CHMP4C: variants seen among roughly 807,000 people sequenced by gnomAD.
CHMP4C encodes the protein charged multivesicular body protein 4C.
CHMP4C carries 28 observed loss-of-function variants against 29.0 expected under a neutral mutation model. That is an observed-to-expected ratio of 0.97 (90% CI 0.72 to 1.32). The LOEUF (loss-of-function observed/expected upper bound fraction) is 1.32, where lower values mean the gene tolerates loss of function less well. Among genes scored for constraint, CHMP4C ranks in the 40% most tolerant of loss-of-function variants. CHMP4C has a pLI of 0.00. For missense variants in CHMP4C, 291 were observed against 281.0 expected, an observed-to-expected ratio of 1.04 and a Z score of -0.25; for synonymous variants, 106 against 102.4, an observed-to-expected ratio of 1.04 and a Z score of -0.21.
In CHMP4C at chr8:81,732,511, C is replaced by G; in HGVS notation, c.-116C>G. ...GACGACTTGTTGATTCCCAGGAGGG[C>G]CGCCTTTCCGGTCTGGGTCCCCGAG... is the stretch of plus-strand genomic sequence containing the variant. On this transcript the variant is annotated 5_prime_UTR_variant, in exon 1 of 5. Coordinates refer to ENST00000297265, the MANE Select transcript of CHMP4C (RefSeq NM_152284.4). 1 of 699,360 alleles carries G rather than the reference C, an allele frequency of 1.4e-6. No homozygotes were observed. The highest frequency in any genetic ancestry group is 2.8e-5 in the East Asian group (1 of 36,084). The allele number at this position is 699,360 out of a possible 1,614,324, so 43.3% of individuals were successfully genotyped here. A position where few individuals can be genotyped will look rare whatever the true frequency, so the allele number is the denominator to read the frequency against.
chr8:81,734,063 C>G (rs373362908), intron 1 of CHMP4C, among the ~76,000 whole-genome samples: 1 of 152,090 alleles, frequency 6.6e-6, no homozygotes, highest in Non-Finnish European at 1.5e-5. Flanking sequence ...CATATTATAG[C>G]CTGTTTTAGA....
Position 81,750,456 on chromosome 8 carries a change from A to C in CHMP4C, c.191-2608A>C, listed in dbSNP as rs531763747. On this transcript the variant is annotated intron_variant, in intron 1 of 4. Coordinates refer to ENST00000297265, the MANE Select transcript of CHMP4C (RefSeq NM_152284.4). The stretch of plus-strand genomic sequence containing the variant: ...TCTCTACAAAAAAATTAAAAAAAAA[A>C]AAGACTCCGTACAGTGACATGTGCC... Among the ~76,000 whole-genome samples, 14 of 151,686 alleles carry C rather than the reference A, an allele frequency of 9.2e-5. No homozygotes were observed. The East Asian group carries it at 2.7e-3, about 30-fold the overall frequency.
At chr8:81,747,371 G>A (rs1808839210) in intron 1 of CHMP4C, among the ~76,000 whole-genome samples, 1 of 151,956 alleles carries the variant, frequency 6.6e-6, no homozygotes, top group Non-Finnish European at 1.5e-5. Context: ...AAAGCCTTAG[G>A]GTCAATGGGT....
At chr8:81,738,012 T>G (rs1325697826) in intron 1 of CHMP4C, among the ~76,000 whole-genome samples, 3 of 152,184 alleles carry the variant, frequency 2.0e-5, no homozygotes, top group Non-Finnish European at 4.4e-5. Context: ...GACTCCTTAC[T>G]GTGCTGAGGT....
chr8:81,755,689 G>C (rs111355151), intron 3 of CHMP4C, among the ~76,000 whole-genome samples: 2 of 152,324 alleles, frequency 1.3e-5, no homozygotes, highest in African/African-American at 4.8e-5. Context: ...GCCTGATTAA[G>C]TTTTCAGCTA....
intron 1 of CHMP4C, among the ~76,000 whole-genome samples, chr8:81,744,025 T>G (rs560632568): frequency 1.3e-5 from 2 of 152,354 alleles, no homozygotes; most frequent in South Asian, 4.1e-4. Context: ...ATCTCTTATT[T>G]ACTTTCTGCA....
intron 3 of CHMP4C, 142 bp from the exon 4 acceptor site, chr8:81,758,000 A>G (rs1808991723): frequency 2.6e-6 from 2 of 770,962 alleles, no homozygotes; most frequent in Non-Finnish European, 4.2e-6. Flanking sequence ...GTGTTGCAAA[A>G]AAGACTTAGT....
At chr8:81,755,293 T>A in intron 2 of CHMP4C, 77 bp from the exon 3 acceptor site, 1 of 676,194 alleles carries the variant, frequency 1.5e-6, no homozygotes, top group Non-Finnish European at 2.4e-6. Context: ...ATGAACTGAC[T>A]TTTTATATAG....
intron 1 of CHMP4C, among the ~76,000 whole-genome samples, chr8:81,752,740 C>T (rs187309915): frequency 6.6e-6 from 1 of 152,206 alleles, no homozygotes; most frequent in East Asian, 1.9e-4. Context: ...ATGATTTTTA[C>T]TCATATTTTT....
intron 1 of CHMP4C, among the ~76,000 whole-genome samples, chr8:81,739,737 A>C (rs1291020220): frequency 5.9e-5 from 9 of 152,210 alleles, no homozygotes; most frequent in Non-Finnish European, 1.3e-4. Context: ...AATATAGACT[A>C]ACACTGCACT....
At chr8:81,742,681 A>G (rs956596722) in intron 1 of CHMP4C, among the ~76,000 whole-genome samples, 9 of 152,188 alleles carry the variant, frequency 5.9e-5, no homozygotes, top group Non-Finnish European at 1.0e-4. Context: ...TGCTATTTAC[A>G]TTATCATTTC....
chr8:81,735,936 A>T (rs1043619310), intron 1 of CHMP4C, among the ~76,000 whole-genome samples: 1 of 151,878 alleles, frequency 6.6e-6, no homozygotes. Flanking sequence ...AAAGTACAAA[A>T]TTAGCCGGAT....
chr8:81,742,177 G>A (rs1585942504), intron 1 of CHMP4C, among the ~76,000 whole-genome samples: 1 of 152,090 alleles, frequency 6.6e-6, no homozygotes, highest in East Asian at 1.9e-4. Context: ...TTTCCAGGTA[G>A]CTAGAAGCCC....
intron 3 of CHMP4C, 23 bp downstream of exon 3, chr8:81,755,507 T>C: frequency 7.2e-7 from 1 of 1,387,164 alleles, no homozygotes; most frequent in Non-Finnish European, 1.0e-6. Context: ...ATATGAAGAA[T>C]GCAGGATTGT....
chr8:81,749,511 G>A (rs1206360093), intron 1 of CHMP4C, among the ~76,000 whole-genome samples: 3 of 152,180 alleles, frequency 2.0e-5, no homozygotes, highest in African/African-American at 7.2e-5. Context: ...CATAGGAGAG[G>A]TGAGGTAGGA....
intron 1 of CHMP4C, among the ~76,000 whole-genome samples, chr8:81,752,121 G>C (rs1197175713): frequency 1.3e-5 from 2 of 152,092 alleles, no homozygotes. Context: ...AAAACAGTTA[G>C]AAGAGAGACT....
At position 81,753,047 on chromosome 8, in the gene CHMP4C, G is replaced by A. The variant is rs1283239910; in HGVS notation, c.191-17G>A. ...CTCTTTCTCTTTCCTAATAAATGTGGCTTCTCTCTTATTTAGCTGCATTAC... is the reference window on the plus strand; with the variant it reads ...CTCTTTCTCTTTCCTAATAAATGTGACTTCTCTCTTATTTAGCTGCATTAC... On this transcript the variant is annotated splice_polypyrimidine_tract_variant and intron_variant, in intron 1 of 4. Transcript: ENST00000297265. The A allele has an allele frequency of 6.3e-7, 1 of 1,582,398 alleles. No individual in the cohort carries two copies. Among genetic ancestry groups the A allele is most frequent in the Non-Finnish European group, 8.6e-7 (1 of 1,166,008 alleles).
intron 1 of CHMP4C, among the ~76,000 whole-genome samples, chr8:81,739,007 G>T (rs1449053119): frequency 6.6e-6 from 1 of 151,166 alleles, no homozygotes; most frequent in East Asian, 1.9e-4. Context: ...TCACCCATTC[G>T]TACTTTTTCT....
At position 81,740,223 on chromosome 8, in the gene CHMP4C, C is replaced by T. The variant is rs115636648; in HGVS notation, c.190+7407C>T. Among the ~76,000 whole-genome samples, 573 of 152,284 alleles carry T rather than the reference C, an allele frequency of 3.8e-3. 4 individuals carry two copies. The highest frequency in any genetic ancestry group is 0.013 in the African/African-American group (538 of 41,540). ...GTGTTTCATCCGCTGAGGCGGCAGT[C>T]CCCAACCCTTTTGGCACCAGGGACC... On this transcript the variant is annotated intron_variant, in intron 1 of 4. Transcript: ENST00000297265.
Sources: gnomAD v4.1 joint callset for allele counts (sites outside exome capture counted in the v4.1 genomes callset) on GRCh38, gnomAD v4.1.1 for gene constraint, MANE v1.5 for transcripts, NCBI Gene and HGNC (gene_info 2026-07-23, HGNC 2026-07-21) for gene names.